The following PVALB variants were observed in gnomAD, a reference collection of about 807,000 sequenced individuals.
The protein encoded by PVALB is parvalbumin.
PVALB carries 11 observed loss-of-function variants against 10.9 expected under a neutral mutation model. The observed-to-expected ratio is 1.01, with a 90% CI of 0.63 to 1.67. PVALB has a LOEUF of 1.67. Among genes scored for constraint, PVALB ranks in the 40% most tolerant of loss-of-function variants. The pLI is 0.00. For synonymous variants in PVALB, 57 were observed against 50.7 expected, an observed-to-expected ratio of 1.12 and a Z score of -0.53; for missense variants, 131 against 136.2, an observed-to-expected ratio of 0.96 and a Z score of 0.19.
intron 1 of PVALB, chr22:36,816,332 T>C: frequency 6.6e-6 from 1 of 152,272 alleles, no homozygotes; most frequent in African/African-American, 2.4e-5. Context: ...GACTGCCAGT[T>C]CCCCTCCCCT....
At chr22:36,801,301 C>T (rs1235410819) in intron 3 of PVALB, among the ~76,000 whole-genome samples, 1 of 152,202 alleles carries the variant, frequency 6.6e-6, no homozygotes, top group African/African-American at 2.4e-5. Flanking sequence ...CTGTCTGGTG[C>T]ATTTTGGCAT....
chr22:36,802,042 G>T (rs1481821692), intron 3 of PVALB, among the ~76,000 whole-genome samples: 1 of 152,110 alleles, frequency 6.6e-6, no homozygotes, highest in Non-Finnish European at 1.5e-5. Flanking sequence ...GCCACAAAAA[G>T]TATCTGAGAC....
At chr22:36,810,859 C>T (rs537912120) in intron 3 of PVALB, among the ~76,000 whole-genome samples, 3 of 152,390 alleles carry the variant, frequency 2.0e-5, no homozygotes, top group South Asian at 2.1e-4. Context: ...CTGTCCCCTA[C>T]AGCCTGTGGC....
At chr22:36,817,236 C>G (rs1939158753), upstream of PVALB, 1 of 351,434 alleles carries the variant, frequency 2.8e-6, no homozygotes, top group South Asian at 1.3e-4. Context: ...TGCTACCACT[C>G]CTGCACCGCC....
rs1712094127 is a variant in PVALB, at chr22:36,815,177, A to G, written c.120T>C (p.Ser40=). ...FFQMVGLKKK[S]ADDVKKVFHM... Reference sequence around the variant, plus strand: ...GAAACACCTTCTTCACATCATCCGCACTCTTTTTCTTCAGGCCGACCATTT... The same window carrying G: ...GAAACACCTTCTTCACATCATCCGCGCTCTTTTTCTTCAGGCCGACCATTT... Residue 40 remains serine, a synonymous_variant, in exon 2 of 4, where the codon AGT becomes AGC. Coordinates refer to ENST00000417718, the MANE Select transcript of PVALB (RefSeq NM_001315532.2). 3.7e-6 allele frequency: 6 copies of G among 1,613,748 alleles called. No homozygotes were observed. The highest frequency in any genetic ancestry group is 5.1e-6 in the Non-Finnish European group (6 of 1,179,950).
chr22:36,813,544 C>T (rs1480141944), intron 3 of PVALB, 102 bp downstream of exon 3: 12 of 916,676 alleles, frequency 1.3e-5, no homozygotes, highest in Non-Finnish European at 2.1e-5. Flanking sequence ...AGTGAGGGAC[C>T]CCCATATCAT....
chr22:36,816,803 C>G, intron 1 of PVALB, 142 bp downstream of exon 1: 1 of 659,606 alleles, frequency 1.5e-6, no homozygotes, highest in East Asian at 3.3e-5. Flanking sequence ...AGGACGCCCC[C>G]GCCCCGACCT....
At chr22:36,807,694 G>A (rs1938974514) in intron 3 of PVALB, among the ~76,000 whole-genome samples, 1 of 152,200 alleles carries the variant, frequency 6.6e-6, no homozygotes, top group Non-Finnish European at 1.5e-5. Flanking sequence ...TGGATGTCCT[G>A]AGAGAGGAAA....
chr22:36,815,371 T>C (rs1939122759), intron 1 of PVALB, 136 bp from the exon 2 acceptor site: 3 of 1,251,946 alleles, frequency 2.4e-6, no homozygotes, highest in Non-Finnish European at 3.4e-6. Flanking sequence ...CCACCTCCAT[T>C]GGAGGGCTGA....
At chr22:36,814,896 T>C (rs1333647477) in intron 2 of PVALB, among the ~76,000 whole-genome samples, 2 of 152,200 alleles carry the variant, frequency 1.3e-5, no homozygotes, top group African/African-American at 4.8e-5. Flanking sequence ...CACTTTCAGC[T>C]GAGGGTTTTA....
At chr22:36,806,063 T>A (rs1938944136) in intron 3 of PVALB, among the ~76,000 whole-genome samples, 1 of 151,802 alleles carries the variant, frequency 6.6e-6, no homozygotes, top group Non-Finnish European at 1.5e-5. Context: ...AAGGGCTCCA[T>A]AAGATAATGG....
chr22:36,814,978 G>A (rs143480194), intron 2 of PVALB, 125 bp downstream of exon 2: 40 of 1,294,362 alleles, frequency 3.1e-5, no homozygotes, highest in Middle Eastern at 2.6e-4. Context: ...CTTCACGCAC[G>A]GTTACTTTCT....
At chr22:36,809,907 T>C (rs1407482039) in intron 3 of PVALB, among the ~76,000 whole-genome samples, 1 of 149,458 alleles carries the variant, frequency 6.7e-6, no homozygotes, top group Non-Finnish European at 1.5e-5. Context: ...GTTTTTGAGA[T>C]GGAGTCTAGC....
At chr22:36,811,908 C>G (rs62229087) in intron 3 of PVALB, among the ~76,000 whole-genome samples, 1 of 152,100 alleles carries the variant, frequency 6.6e-6, no homozygotes. Context: ...TCCTTCCCAG[C>G]CACAAGAAGG....
chr22:36,810,831 G>T (rs1486022041), intron 3 of PVALB, among the ~76,000 whole-genome samples: 1 of 152,164 alleles, frequency 6.6e-6, no homozygotes, highest in Non-Finnish European at 1.5e-5. Context: ...CCAATACCTT[G>T]CCTGGACCCC....
chr22:36,809,534 C>G (rs932792520), intron 3 of PVALB, among the ~76,000 whole-genome samples: 4 of 152,208 alleles, frequency 2.6e-5, no homozygotes, highest in African/African-American at 9.6e-5. Flanking sequence ...TTGATCTTTT[C>G]TCTTCCTAGC....
chr22:36,802,665 G>A (rs6519034), intron 3 of PVALB, among the ~76,000 whole-genome samples: 28,722 of 150,548 alleles, frequency 0.19, 3,147 homozygotes, highest in African/African-American at 0.29. Context: ...CTAGATGAAG[G>A]GACACGTACC....
intron 3 of PVALB, among the ~76,000 whole-genome samples, chr22:36,811,155 A>T (rs1224129755): frequency 6.6e-6 from 1 of 152,182 alleles, no homozygotes; most frequent in Non-Finnish European, 1.5e-5. Context: ...GCGTGCCTGT[A>T]ATCCCAGCTA....
intron 3 of PVALB, among the ~76,000 whole-genome samples, chr22:36,802,661 G>A (rs1938887649): frequency 6.7e-6 from 1 of 149,966 alleles, no homozygotes; most frequent in African/African-American, 2.5e-5. Flanking sequence ...CTGGCTAGAT[G>A]AAGGGACACG....
Sources: gnomAD v4.1 joint callset for allele counts (sites outside exome capture counted in the v4.1 genomes callset) on GRCh38, gnomAD v4.1.1 for gene constraint, MANE v1.5 for transcripts, NCBI Gene and HGNC (gene_info 2026-07-23, HGNC 2026-07-21) for gene names.